The following FAM168A variants were observed in gnomAD, a reference collection of about 807,000 sequenced individuals.
FAM168A encodes protein FAM168A.
Under a neutral mutation model 28.5 loss-of-function variants are expected in FAM168A, and 3 were observed. That is an observed-to-expected ratio of 0.11 (90% CI 0.05 to 0.27). The LOEUF (loss-of-function observed/expected upper bound fraction) is 0.27. FAM168A is among the 10% of genes least tolerant of loss of function. The pLI is 1.00. For missense variants in FAM168A, 222 were observed against 311.5 expected, an observed-to-expected ratio of 0.71 and a Z score of 2.16; for synonymous variants, 122 against 124.2, an observed-to-expected ratio of 0.98 and a Z score of 0.12.
intron 1 of FAM168A, among the ~76,000 whole-genome samples, chr11:73,573,842 G>A (rs766996566): frequency 3.9e-5 from 6 of 152,114 alleles, no homozygotes; most frequent in Non-Finnish European, 8.8e-5. Context: ...TATAATCCCA[G>A]CTACTCAGGA....
At chr11:73,510,006 T>C (rs1855188378) in intron 1 of FAM168A, among the ~76,000 whole-genome samples, 1 of 152,188 alleles carries the variant, frequency 6.6e-6, no homozygotes. Flanking sequence ...GCTCTGGCCA[T>C]ATTAGTCTAA....
intron 1 of FAM168A, among the ~76,000 whole-genome samples, chr11:73,519,787 T>A (rs576961129): frequency 6.6e-6 from 1 of 151,516 alleles, no homozygotes; most frequent in Non-Finnish European, 1.5e-5. Flanking sequence ...TATGTGTGTG[T>A]GTGTGTGCGT....
At chr11:73,499,755 C>T (rs1319378672) in intron 1 of FAM168A, among the ~76,000 whole-genome samples, 1 of 151,900 alleles carries the variant, frequency 6.6e-6, no homozygotes, top group Non-Finnish European at 1.5e-5. Flanking sequence ...CCGAATCAGC[C>T]AAGCGGAAGA....
chr11:73,572,250 A>T (rs1480720588), intron 1 of FAM168A, among the ~76,000 whole-genome samples: 2 of 144,536 alleles, frequency 1.4e-5, no homozygotes, highest in African/African-American at 5.3e-5. Context: ...TCCGGGAGGG[A>T]GGTGGGGGGT....
chr11:73,467,433 C>T (rs904318477), intron 2 of FAM168A, among the ~76,000 whole-genome samples: 2 of 151,950 alleles, frequency 1.3e-5, no homozygotes, highest in Non-Finnish European at 2.9e-5. Context: ...GTTGTCCAGT[C>T]AGTCAAAACA....
intron 1 of FAM168A, among the ~76,000 whole-genome samples, chr11:73,561,029 T>C (rs1943951688): frequency 7.2e-6 from 1 of 138,624 alleles, no homozygotes; most frequent in African/African-American, 2.9e-5. Context: ...GCCACTGCAC[T>C]CCAGCCTGGG....
chr11:73,430,886 C>T lies in FAM168A; in HGVS notation c.71-116G>A, dbSNP rs566733113. The T allele has an allele frequency of 8.6e-5, 65 of 759,658 alleles. No homozygotes were observed. The Admixed American group carries it at 1.4e-3, about 17-fold the overall frequency. The allele number at this position is 759,658 out of a possible 1,614,324, so 47.1% of individuals were successfully genotyped here. A position where few individuals can be genotyped will look rare whatever the true frequency, so the allele number is the denominator to read the frequency against. On this transcript the variant is annotated intron_variant, in intron 2 of 7. Coordinates refer to ENST00000356467, the MANE Select transcript of FAM168A (RefSeq NM_015159.3). The stretch of plus-strand genomic sequence containing the variant: ...AATAGAATCCAAGTCCTAGGTTTGG[C>T]GTTCAGTCTCTCCATGGGCTATTCC...
chr11:73,497,739 C>T (rs1441561216), intron 1 of FAM168A, among the ~76,000 whole-genome samples: 1 of 151,898 alleles, frequency 6.6e-6, no homozygotes. Context: ...ACATCACACA[C>T]TGGGGCCTGT....
At chr11:73,549,674 G>A (rs539758969) in intron 1 of FAM168A, among the ~76,000 whole-genome samples, 14 of 152,148 alleles carry the variant, frequency 9.2e-5, no homozygotes, top group Non-Finnish European at 1.9e-4. Flanking sequence ...GCAATGACAC[G>A]GGGTAACACA....
chr11:73,466,304 A>T (rs1038707248), intron 2 of FAM168A, among the ~76,000 whole-genome samples: 3 of 152,214 alleles, frequency 2.0e-5, no homozygotes, highest in African/African-American at 7.2e-5. Context: ...TGGGGAAGAG[A>T]GAAAGCAGCA....
At chr11:73,533,994 C>T (rs1028910323) in intron 1 of FAM168A, among the ~76,000 whole-genome samples, 1 of 152,128 alleles carries the variant, frequency 6.6e-6, no homozygotes, top group Non-Finnish European at 1.5e-5. Flanking sequence ...AAAACCCAAG[C>T]CTCTCAGAAT....
chr11:73,483,020 C>T (rs1258036428), intron 1 of FAM168A, among the ~76,000 whole-genome samples: 2 of 152,122 alleles, frequency 1.3e-5, no homozygotes, highest in Non-Finnish European at 2.9e-5. Flanking sequence ...AATTATTTGG[C>T]GCACCCAGCC....
At chr11:73,480,778 T>C (rs1168972682) in intron 1 of FAM168A, among the ~76,000 whole-genome samples, 1 of 152,152 alleles carries the variant, frequency 6.6e-6, no homozygotes, top group Middle Eastern at 3.2e-3. Context: ...CCATAGATAG[T>C]GGGATGCCAG....
At chr11:73,581,727 T>G (rs917276558) in intron 1 of FAM168A, among the ~76,000 whole-genome samples, 9 of 141,310 alleles carry the variant, frequency 6.4e-5, no homozygotes, top group African/African-American at 2.7e-4. Context: ...TTGGTTTTTG[T>G]TTTTTTTTTG....
At chr11:73,556,600 A>G (rs1943893691) in intron 1 of FAM168A, among the ~76,000 whole-genome samples, 2 of 151,986 alleles carry the variant, frequency 1.3e-5, no homozygotes, top group Admixed American at 6.6e-5. Context: ...TCTGTAAGAT[A>G]AAGAGTTTTA....
At chr11:73,527,779 GA>G (rs373396307) in intron 1 of FAM168A, among the ~76,000 whole-genome samples, 3 of 142,484 alleles carry the variant, frequency 2.1e-5, no homozygotes, top group South Asian at 4.5e-4. Flanking sequence ...ATGACAAAAC[GA>G]AAAAAAAAAG....
chr11:73,543,748 T>A (rs527433929), intron 1 of FAM168A, among the ~76,000 whole-genome samples: 1 of 152,288 alleles, frequency 6.6e-6, no homozygotes, highest in South Asian at 2.1e-4. Context: ...GGGACTCTCT[T>A]ATAATCAACT....
At chr11:73,532,607 A>G (rs1943526904) in intron 1 of FAM168A, among the ~76,000 whole-genome samples, 1 of 152,244 alleles carries the variant, frequency 6.6e-6, no homozygotes, top group Non-Finnish European at 1.5e-5. Flanking sequence ...CAAACACAAC[A>G]GTTCTTTATC....
chr11:73,467,718 A>G (rs1328932132), intron 2 of FAM168A, among the ~76,000 whole-genome samples: 1 of 152,242 alleles, frequency 6.6e-6, no homozygotes, highest in Non-Finnish European at 1.5e-5. Flanking sequence ...TCCCTCTGGC[A>G]GAGGAACTTA....
Sources: allele counts gnomAD v4.1 joint callset (sites outside exome capture counted in the v4.1 genomes callset), GRCh38; gene constraint gnomAD v4.1.1; transcripts MANE v1.5; gene names NCBI Gene and HGNC (gene_info 2026-07-23, HGNC 2026-07-21).